CCDC146: variants seen among roughly 807,000 people sequenced by gnomAD.
The protein encoded by CCDC146 is coiled-coil domain-containing protein 146.
In CCDC146, 92 loss-of-function variants were observed where a neutral mutation model predicts 119.3. That is an observed-to-expected ratio of 0.77 (90% CI 0.65 to 0.92). The LOEUF is 0.92. Ranked by LOEUF, CCDC146 falls within the 40% of genes least tolerant of loss-of-function variation. The pLI, the probability that CCDC146 is intolerant of heterozygous loss-of-function variation, is 0.00. For synonymous variants in CCDC146, 372 were observed against 371.8 expected (o/e 1.00, Z -0.01); for missense variants, 1,000 against 1,103.0 (o/e 0.91, Z 1.32).
At chr7:77,292,585 C>T (rs2150559954) in intron 17 of CCDC146, among the ~76,000 whole-genome samples, 1 of 149,128 alleles carries the variant, frequency 6.7e-6, no homozygotes, top group South Asian at 2.1e-4. Context: ...CTACTGCACT[C>T]CAGCCAGGGC....
intron 2 of CCDC146, among the ~76,000 whole-genome samples, chr7:77,212,620 CA>C (rs11449217): frequency 0.32 from 26,003 of 80,832 alleles, 2,099 homozygotes; most frequent in African/African-American, 0.48. Flanking sequence ...GACTCCGTCT[CA>C]AAAAAAAAAA....
At chr7:77,176,315 TGAA>T in intron 2 of CCDC146, among the ~76,000 whole-genome samples, 1 of 151,134 alleles carries the variant, frequency 6.6e-6, no homozygotes, top group Non-Finnish European at 1.5e-5. Context: ...GATGAAGATG[TGAA>T]GAGAGACTGC....
At chr7:77,123,746 C>G (rs917830593) in intron 1 of CCDC146, among the ~76,000 whole-genome samples, 1 of 152,136 alleles carries the variant, frequency 6.6e-6, no homozygotes, top group Non-Finnish European at 1.5e-5. Flanking sequence ...GTCTCAGGTT[C>G]TCTGCTAGCC....
chr7:77,168,509 T>G lies in CCDC146; in HGVS notation c.156+685T>G, dbSNP rs149324287. ...AACATTCTAAGAAATTTGATAGTCATAGTAAAAAATAAGTTTAAAAAGTCT... is the reference window on the plus strand; with the variant it reads ...AACATTCTAAGAAATTTGATAGTCAGAGTAAAAAATAAGTTTAAAAAGTCT... On this transcript the variant is annotated intron_variant, in intron 2 of 18. Coordinates refer to ENST00000285871, the MANE Select transcript of CCDC146 (RefSeq NM_020879.3). Among the ~76,000 whole-genome samples, 4 of 152,146 alleles carry G rather than the reference T, an allele frequency of 2.6e-5. No homozygotes were observed. The East Asian group carries it at 7.7e-4, about 29-fold the overall frequency.
chr7:77,168,120 T>C (rs1166340419), intron 2 of CCDC146, among the ~76,000 whole-genome samples: 1 of 152,206 alleles, frequency 6.6e-6, no homozygotes, highest in Admixed American at 6.5e-5. Flanking sequence ...AGAAGATTTC[T>C]TTTATTATTG....
intron 17 of CCDC146, among the ~76,000 whole-genome samples, chr7:77,291,831 T>C (rs1368511755): frequency 2.0e-5 from 3 of 152,248 alleles, no homozygotes; most frequent in African/African-American, 7.2e-5. Context: ...GGAATTATGA[T>C]CAATAATGCC....
intron 2 of CCDC146, among the ~76,000 whole-genome samples, chr7:77,184,396 A>G (rs1168238785): frequency 4.6e-5 from 7 of 152,122 alleles, no homozygotes; most frequent in Non-Finnish European, 1.5e-5. Flanking sequence ...TTCCTACCCA[A>G]CTTTCATAGT....
intron 1 of CCDC146, among the ~76,000 whole-genome samples, chr7:77,148,192 T>C (rs377540093): frequency 0.011 from 1,671 of 152,252 alleles, 23 homozygotes; most frequent in African/African-American, 0.038. Context: ...GCTCCGTGGG[T>C]GTGGGACCCT....
chr7:77,252,963 G>C (rs1214164160), intron 4 of CCDC146, among the ~76,000 whole-genome samples: 1 of 152,226 alleles, frequency 6.6e-6, no homozygotes, highest in African/African-American at 2.4e-5. Flanking sequence ...AAGGGAGACT[G>C]TGAAATATAG....
At chr7:77,221,029 C>G (rs1259987491) in intron 2 of CCDC146, among the ~76,000 whole-genome samples, 1 of 152,162 alleles carries the variant, frequency 6.6e-6, no homozygotes, top group Non-Finnish European at 1.5e-5. Flanking sequence ...CAGGAGCAGG[C>G]ATCTTACCAG....
At chr7:77,192,223 G>T (rs2150425503) in intron 2 of CCDC146, among the ~76,000 whole-genome samples, 1 of 152,240 alleles carries the variant, frequency 6.6e-6, no homozygotes. Context: ...TGGGAATGAT[G>T]ATTTTTAAAT....
chr7:77,286,923 C>CA lies in CCDC146; in HGVS notation c.2276dup (p.Leu760AlafsTer20). 6.2e-7 allele frequency: 1 copy of CA among 1,614,038 alleles called. No homozygotes were observed. Among genetic ancestry groups the CA allele is most frequent in the Non-Finnish European group, 8.5e-7 (1 of 1,179,946 alleles). On this transcript the variant is annotated frameshift_variant, in exon 16 of 19. Coordinates refer to ENST00000285871, the MANE Select transcript of CCDC146 (RefSeq NM_020879.3). LOFTEE classifies it high-confidence loss of function. ...AAAAAGAAATGATCCAAAAATTAGA[C>CA]AAGGTAAACATTATTGCTTAAAATT... is the stretch of plus-strand genomic sequence containing the variant.
At chr7:77,234,020 C>G (rs3114306) in intron 2 of CCDC146, among the ~76,000 whole-genome samples, 6 of 151,738 alleles carry the variant, frequency 4.0e-5, no homozygotes, top group African/African-American at 1.5e-4. Flanking sequence ...AAGTAATGGT[C>G]TTTTTAGCTT....
At chr7:77,157,557 C>T (rs190722006) in intron 1 of CCDC146, among the ~76,000 whole-genome samples, 1 of 152,302 alleles carries the variant, frequency 6.6e-6, no homozygotes, top group Non-Finnish European at 1.5e-5. Flanking sequence ...AAGGGGTACC[C>T]TGCAATGTTT....
chr7:77,186,187 C>T (rs1791663785), intron 2 of CCDC146, among the ~76,000 whole-genome samples: 2 of 152,162 alleles, frequency 1.3e-5, no homozygotes. Context: ...GATACATCTG[C>T]ACTCCCATGT....
At chr7:77,217,571 AGAG>A (rs1352324924) in intron 2 of CCDC146, among the ~76,000 whole-genome samples, 1 of 151,806 alleles carries the variant, frequency 6.6e-6, no homozygotes, top group African/African-American at 2.4e-5. Flanking sequence ...ATAGAGAGAG[AGAG>A]AGAGAGTTAT....
chr7:77,287,128 C>A, intron 16 of CCDC146: 1 of 672,250 alleles, frequency 1.5e-6, no homozygotes. Flanking sequence ...CCAGTGGTTT[C>A]GAGATTCCAA....
intron 2 of CCDC146, among the ~76,000 whole-genome samples, chr7:77,230,381 G>A (rs548809939): frequency 6.6e-6 from 1 of 152,160 alleles, no homozygotes; most frequent in East Asian, 1.9e-4. Context: ...TTTCTTATAA[G>A]GCAGGTGTGC....
chr7:77,216,813 G>A (rs1052726177), intron 2 of CCDC146, among the ~76,000 whole-genome samples: 1 of 152,098 alleles, frequency 6.6e-6, no homozygotes, highest in Non-Finnish European at 1.5e-5. Flanking sequence ...AGCTCATAAA[G>A]TACAGTGCCA....
Sources: gnomAD v4.1 joint callset for allele counts (sites outside exome capture counted in the v4.1 genomes callset) on GRCh38, gnomAD v4.1.1 for gene constraint, MANE v1.5 for transcripts, NCBI Gene and HGNC (gene_info 2026-07-23, HGNC 2026-07-21) for gene names.